The following EYA4 variants were observed in gnomAD, a reference collection of about 807,000 sequenced individuals.
The protein encoded by EYA4 is protein phosphatase EYA4.
In EYA4, 31 loss-of-function variants were observed where a neutral mutation model predicts 87.9. That is an observed-to-expected ratio of 0.35 (90% confidence interval 0.27 to 0.48). The LOEUF (loss-of-function observed/expected upper bound fraction) is 0.48, where lower values mean the gene tolerates loss of function less well. EYA4 is among the 20% of genes least tolerant of loss of function. The pLI is 0.99. For synonymous variants in EYA4, 263 were observed against 270.6 expected, an observed-to-expected ratio of 0.97 and a Z score of 0.28; for missense variants, 678 against 761.4, an observed-to-expected ratio of 0.89 and a Z score of 1.29.
chr6:133,321,831 C>G (rs1781113485), intron 2 of EYA4, among the ~76,000 whole-genome samples: 1 of 152,100 alleles, frequency 6.6e-6, no homozygotes, highest in Admixed American at 6.6e-5. Flanking sequence ...ATGGAGTCAT[C>G]CTAGGTGTGT....
chr6:133,386,869 A>G (rs1340180085), intron 3 of EYA4, among the ~76,000 whole-genome samples: 1 of 152,214 alleles, frequency 6.6e-6, no homozygotes, highest in African/African-American at 2.4e-5. Context: ...ATGGAGAATA[A>G]CAAAAGATTC....
At chr6:133,334,677 A>G (rs1782231553) in intron 2 of EYA4, among the ~76,000 whole-genome samples, 1 of 152,140 alleles carries the variant, frequency 6.6e-6, no homozygotes, top group Admixed American at 6.6e-5. Context: ...CTTAGCAAGG[A>G]AAAAAAGAAC....
At chr6:133,382,901 G>T (rs1031750389) in intron 3 of EYA4, among the ~76,000 whole-genome samples, 1 of 151,910 alleles carries the variant, frequency 6.6e-6, no homozygotes, top group Non-Finnish European at 1.5e-5. Flanking sequence ...TGGCATTCTC[G>T]TTTGGGTTGT....
chr6:133,383,545 A>AAAAAAAAAAAAT, intron 3 of EYA4, among the ~76,000 whole-genome samples: 1 of 149,506 alleles, frequency 6.7e-6, no homozygotes, highest in Non-Finnish European at 1.5e-5. Context: ...AAAAAAAAAA[A>AAAAAAAAAAAAT]TGTAATGGCC....
At chr6:133,453,185 A>T (rs1793610715) in intron 5 of EYA4, 2 of 152,068 alleles carry the variant, frequency 1.3e-5, no homozygotes, top group African/African-American at 4.8e-5. Flanking sequence ...TAGTAATAAG[A>T]CTAGATTTGT....
intron 3 of EYA4, among the ~76,000 whole-genome samples, chr6:133,405,341 T>C (rs1788611998): frequency 6.6e-6 from 1 of 152,208 alleles, no homozygotes; most frequent in African/African-American, 2.4e-5. Flanking sequence ...AAAACCAGAA[T>C]GGAATATACT....
intron 1 of EYA4, chr6:133,247,572 G>T (rs1774512989): frequency 6.6e-6 from 1 of 152,336 alleles, no homozygotes; most frequent in Middle Eastern, 3.4e-3. Flanking sequence ...GTTATCGCAT[G>T]TGTAAGGTTT....
intron 10 of EYA4, among the ~76,000 whole-genome samples, chr6:133,465,188 G>A (rs1281850618): frequency 6.6e-6 from 1 of 151,878 alleles, no homozygotes; most frequent in Non-Finnish European, 1.5e-5. Flanking sequence ...TCTTGATAAA[G>A]CAGTTATTAT....
At chr6:133,390,772 A>C (rs923663875) in intron 3 of EYA4, among the ~76,000 whole-genome samples, 1 of 152,214 alleles carries the variant, frequency 6.6e-6, no homozygotes. Flanking sequence ...TTTAGGTAAT[A>C]CTTATCTGGT....
chr6:133,334,788 GGTAA>G (rs1297072979), intron 2 of EYA4, among the ~76,000 whole-genome samples: 1 of 151,912 alleles, frequency 6.6e-6, no homozygotes, highest in African/African-American at 2.4e-5. Context: ...TGAAGATCTT[GGTAA>G]GTATTAGTAT....
intron 6 of EYA4, among the ~76,000 whole-genome samples, chr6:133,457,618 A>T (rs1197457540): frequency 6.6e-6 from 1 of 152,174 alleles, no homozygotes; most frequent in Non-Finnish European, 1.5e-5. Context: ...AGCAGTTGCC[A>T]TATATTTACA....
intron 2 of EYA4, among the ~76,000 whole-genome samples, chr6:133,290,372 TAAG>T (rs1458285538): frequency 6.6e-6 from 1 of 152,200 alleles, no homozygotes; most frequent in Admixed American, 6.5e-5. Flanking sequence ...AGTTCATACA[TAAG>T]AAGAAAAAAA....
At position 133,380,993 on chromosome 6, in the gene EYA4, CTCT is replaced by C. The variant is rs778666202; in HGVS notation, c.34-1394_34-1392del. Reference sequence around the variant, plus strand: ...CTTCTTTCTCTTTTTCCTTTTCTTCCTCTTCTTTTCCTCATCCCCTCCTCCTTC... The same window carrying C: ...CTTCTTTCTCTTTTTCCTTTTCTTCCTCTTTTCCTCATCCCCTCCTCCTTC... On this transcript the variant is annotated intron_variant, in intron 2 of 19. Transcript: ENST00000355286. Among the ~76,000 whole-genome samples, 8 of 147,970 alleles carry C rather than the reference CTCT, an allele frequency of 5.4e-5. No individual in the cohort carries two copies. In the East Asian group the frequency reaches 8.0e-4, roughly 15 times the overall value.
At chr6:133,395,615 G>T (rs924323703) in intron 3 of EYA4, among the ~76,000 whole-genome samples, 1 of 152,090 alleles carries the variant, frequency 6.6e-6, no homozygotes, top group Admixed American at 6.6e-5. Flanking sequence ...CAAAAAATTA[G>T]CCAGGCGTGG....
chr6:133,382,661 G>A (rs887409554), intron 3 of EYA4, among the ~76,000 whole-genome samples: 3 of 151,986 alleles, frequency 2.0e-5, no homozygotes, highest in Non-Finnish European at 4.4e-5. Context: ...AATAGTGGAA[G>A]TATCTCTAGA....
At chr6:133,313,959 C>T in intron 2 of EYA4, among the ~76,000 whole-genome samples, 1 of 152,022 alleles carries the variant, frequency 6.6e-6, no homozygotes, top group East Asian at 1.9e-4. Flanking sequence ...TTCAAAATAA[C>T]TTCTATGTAA....
At chr6:133,308,091 T>C (rs1248821809) in intron 2 of EYA4, among the ~76,000 whole-genome samples, 1 of 152,160 alleles carries the variant, frequency 6.6e-6, no homozygotes, top group African/African-American at 2.4e-5. Context: ...TCCACCATGA[T>C]TGTGAGGCCT....
chr6:133,258,589 C>T (rs968548527), intron 1 of EYA4, among the ~76,000 whole-genome samples: 1 of 152,148 alleles, frequency 6.6e-6, no homozygotes, highest in Non-Finnish European at 1.5e-5. Context: ...ACCTGCCCTC[C>T]TCCCCTTCTA....
chr6:133,463,473 G>T (rs1385456220), intron 9 of EYA4, among the ~76,000 whole-genome samples: 3 of 148,996 alleles, frequency 2.0e-5, no homozygotes, highest in African/African-American at 7.4e-5. Context: ...CGATTCTCCT[G>T]CCTCAGCCTC....
Sources: allele counts gnomAD v4.1 joint callset (sites outside exome capture counted in the v4.1 genomes callset), GRCh38; gene constraint gnomAD v4.1.1; transcripts MANE v1.5; gene names NCBI Gene and HGNC (gene_info 2026-07-23, HGNC 2026-07-21).